Variants in C2CD3 observed in about 807,000 individuals in gnomAD.
The protein encoded by C2CD3 is C2 domain-containing protein 3.
A neutral mutation model predicts 234.0 loss-of-function variants in C2CD3; 148 were observed. The observed-to-expected ratio is 0.63, with a 90% CI of 0.55 to 0.72. The LOEUF (loss-of-function observed/expected upper bound fraction) is 0.72. C2CD3 is among the 30% of genes least tolerant of loss of function. The pLI is 0.00. For missense variants in C2CD3, 2,577 were observed against 2,811.5 expected, an observed-to-expected ratio of 0.92 and a Z score of 1.89; for synonymous variants, 1,000 against 1,035.4, an observed-to-expected ratio of 0.97 and a Z score of 0.66.
Position 74,151,515 on chromosome 11 carries a change from T to C in C2CD3, c.483+9884A>G, listed in dbSNP as rs891776756. On this transcript the variant is annotated intron_variant, in intron 3 of 32. Coordinates refer to ENST00000334126, the MANE Select transcript of C2CD3 (RefSeq NM_001286577.2). ...CCAATTTTTGTATTTTTTGTAGAGA[T>C]GGAGTTTTGCCATGTTGGCCAGGCT... Among the ~76,000 whole-genome samples the C allele has an allele frequency of 3.3e-5, 5 of 151,712 alleles. No homozygotes were observed. In the South Asian group the frequency reaches 6.2e-4, roughly 19 times the overall value.
intron 9 of C2CD3, among the ~76,000 whole-genome samples, chr11:74,117,502 TATC>T (rs566252909): frequency 4.0e-4 from 61 of 150,782 alleles, no homozygotes; most frequent in African/African-American, 1.4e-3. Context: ...GAAAACCAAA[TATC>T]ATATGTTCTC....
At chr11:74,053,854 A>C (rs1010228663) in intron 26 of C2CD3, among the ~76,000 whole-genome samples, 7 of 152,184 alleles carry the variant, frequency 4.6e-5, no homozygotes, top group African/African-American at 1.7e-4. Flanking sequence ...ATGGTGGCTC[A>C]TGCCTGTAGT....
rs181872957 is a variant in C2CD3 at position 74,046,154 on chromosome 11, A to T, written c.5495+2051T>A. 1.3e-3 allele frequency among the ~76,000 whole-genome samples: 195 copies of T among 148,732 alleles called. 1 individual carries two copies. The highest frequency in any genetic ancestry group is 4.9e-3 in the African/African-American group (187 of 38,058). ...AATTTTAACACATGTATACATCCAA[A>T]TAAACCATTACCATGAAATAATGAA... On this transcript the variant is annotated intron_variant, in intron 28 of 32. Transcript: ENST00000334126.
At chr11:74,146,045 T>A (rs1193723888) in intron 3 of C2CD3, among the ~76,000 whole-genome samples, 1 of 152,168 alleles carries the variant, frequency 6.6e-6, no homozygotes, top group African/African-American at 2.4e-5. Flanking sequence ...AAACAAACTC[T>A]AGTAAGAATT....
At chr11:74,071,951 G>A (rs2135457517) in intron 24 of C2CD3, among the ~76,000 whole-genome samples, 1 of 151,680 alleles carries the variant, frequency 6.6e-6, no homozygotes, top group East Asian at 1.9e-4. Flanking sequence ...TTAACAATAT[G>A]GGAATTCTCC....
At chr11:74,037,280 T>C (rs1382582313) in intron 30 of C2CD3, among the ~76,000 whole-genome samples, 198 bp downstream of exon 30, 1 of 151,842 alleles carries the variant, frequency 6.6e-6, no homozygotes, top group African/African-American at 2.4e-5. Flanking sequence ...CTCTTTCCAT[T>C]GCCCCATGTT....
chr11:74,138,166 G>A (rs1407338360), intron 5 of C2CD3, among the ~76,000 whole-genome samples: 5 of 152,148 alleles, frequency 3.3e-5, no homozygotes, highest in Non-Finnish European at 7.4e-5. Flanking sequence ...TTAACATGAG[G>A]TAATCTAATT....
chr11:74,156,345 C>T (rs1026564620), intron 3 of C2CD3, among the ~76,000 whole-genome samples: 1 of 151,276 alleles, frequency 6.6e-6, no homozygotes, highest in Admixed American at 6.6e-5. Context: ...GCCTGTAGTC[C>T]CCACTACTAG....
Position 74,095,241 on chromosome 11 carries a change from C to T in C2CD3, c.3147G>A (p.Glu1049=), listed in dbSNP as rs1956062879. 4 of 1,611,130 alleles carry T rather than the reference C, an allele frequency of 2.5e-6. No individual in the cohort carries two copies. The highest frequency in any genetic ancestry group is 2.5e-6 in the Non-Finnish European group (3 of 1,178,394). ...HSQSSVLKGP[E]FLENGITLKP... The stretch of plus-strand genomic sequence containing the variant: ...ATCTAAACCTACCATTTTCAAGGAA[C>T]TCAGGTCCTTTCAGCACACTGGATT... Residue 1049 remains glutamate, a synonymous_variant, in exon 17 of 33, where the codon GAG becomes GAA. Coordinates refer to ENST00000334126, the MANE Select transcript of C2CD3 (RefSeq NM_001286577.2).
At chr11:74,078,004 C>T in intron 23 of C2CD3, 111 bp downstream of exon 23, 2 of 1,331,736 alleles carry the variant, frequency 1.5e-6, no homozygotes, top group East Asian at 2.3e-5. Flanking sequence ...ACCTATCTCA[C>T]AGGATTGCTG....
rs755686768 is a variant in C2CD3 at position 74,114,384 on chromosome 11, C to T, written c.1730G>A (p.Arg577His). The T allele has an allele frequency of 9.3e-6, 15 of 1,611,260 alleles. No homozygotes were observed. The highest frequency in any genetic ancestry group is 1.7e-5 in the Admixed American group (1 of 59,854). The change falls in exon 10 of 33, where the codon CGC becomes CAC. Residue 577 changes from arginine (R) to histidine (H), a missense_variant and splice_region_variant. Physicochemically the swap from Arg to His is conservative, Grantham distance 29. Transcript: ENST00000334126. ...PPPKVTTAKKRTFFVEYHFPV... is the reference protein window; with the variant it reads ...PPPKVTTAKKHTFFVEYHFPV... The stretch of plus-strand genomic sequence containing the variant: ...TAGCTTTCTCATGTTAGAGACATAC[C>T]GCTTTTTTGCTGTAGTCACCTTAGG...
rs1011707761 is a variant in C2CD3 at position 74,103,017 on chromosome 11, T to G, written c.2580+114A>C. On this transcript the variant is annotated intron_variant, in intron 14 of 32. Transcript: ENST00000334126. ...GGACTGAATCTGTACACCAGATAAT[T>G]ACGAAGGTTCCTTCTAGTCTGAACA... is the stretch of plus-strand genomic sequence containing the variant. The G allele has an allele frequency of 1.1e-5, 11 of 1,046,412 alleles. No individual in the cohort carries two copies. The African/African-American group carries it at 1.8e-4, about 17-fold the overall frequency. 64.8% of individuals were successfully genotyped at this position (1,046,412 alleles called of 1,614,324 possible). A position where few individuals can be genotyped will look rare whatever the true frequency, so the allele number is the denominator to read the frequency against.
intron 28 of C2CD3, among the ~76,000 whole-genome samples, chr11:74,043,871 T>C (rs1953210741): frequency 6.6e-6 from 1 of 152,150 alleles, no homozygotes; most frequent in South Asian, 2.1e-4. Flanking sequence ...GGTCTCACTT[T>C]GTCTTCCAGG....
At chr11:74,081,972 C>T (rs962117200) in intron 22 of C2CD3, among the ~76,000 whole-genome samples, 3 of 152,092 alleles carry the variant, frequency 2.0e-5, no homozygotes, top group African/African-American at 7.2e-5. Context: ...ATTGAACATC[C>T]TTTATTTCTT....
intron 29 of C2CD3, among the ~76,000 whole-genome samples, chr11:74,040,264 C>T (rs546820583): frequency 6.6e-6 from 1 of 152,258 alleles, no homozygotes; most frequent in African/African-American, 2.4e-5. Flanking sequence ...ACAGTTTCAT[C>T]TGGAAACCAC....
chr11:74,156,040 C>T (rs1247914413), intron 3 of C2CD3, among the ~76,000 whole-genome samples: 5 of 151,908 alleles, frequency 3.3e-5, no homozygotes, highest in Admixed American at 3.3e-4. Flanking sequence ...CTTTGGGAGG[C>T]CGAGGTGGGC....
intron 28 of C2CD3, among the ~76,000 whole-genome samples, chr11:74,046,549 G>A (rs975911935): frequency 4.6e-5 from 7 of 152,002 alleles, no homozygotes; most frequent in African/African-American, 1.7e-4. Flanking sequence ...GGATCATCTT[G>A]AACTCCTGGC....
intron 11 of C2CD3, among the ~76,000 whole-genome samples, chr11:74,112,436 G>GA (rs926081107): frequency 3.9e-4 from 58 of 148,714 alleles, no homozygotes; most frequent in South Asian, 1.7e-3. Flanking sequence ...AGCAACAAAA[G>GA]AAAAAAAAAC....
Position 74,069,689 on chromosome 11 carries a change from G to A in C2CD3, c.4951+4564C>T, listed in dbSNP as rs75885931. Among the ~76,000 whole-genome samples, 1,258 of 152,238 alleles carry A rather than the reference G, an allele frequency of 8.3e-3. 16 individuals carry two copies. Among genetic ancestry groups the A allele is most frequent in the African/African-American group, 0.027 (1,102 of 41,528 alleles). ...GAGAAGAACCACGGTTTCCTGACTC[G>A]TACTTTAGATTTTTTTCCATTGCAA... On this transcript the variant is annotated intron_variant, in intron 24 of 32. Transcript: ENST00000334126.
Sources: gnomAD v4.1 joint callset for allele counts (sites outside exome capture counted in the v4.1 genomes callset) on GRCh38, gnomAD v4.1.1 for gene constraint, MANE v1.5 for transcripts, NCBI Gene and HGNC (gene_info 2026-07-23, HGNC 2026-07-21) for gene names.